Variants in SPIDR observed in about 807,000 individuals in gnomAD.
The protein encoded by SPIDR is DNA repair-scaffolding protein.
In SPIDR, 93 loss-of-function variants were observed where a neutral mutation model predicts 104.6. The ratio of observed to expected loss-of-function variants is 0.89; its 90% CI spans 0.75 to 1.06. SPIDR has a LOEUF of 1.06. Among genes scored for constraint, SPIDR ranks in the 50% least tolerant of loss-of-function variants. The probability of loss-of-function intolerance (pLI) is 0.00; values close to 1 mark genes in which losing one functional copy is unlikely to be tolerated. For synonymous variants in SPIDR, 431 were observed against 416.9 expected (o/e 1.03, Z -0.41); for missense variants, 1,154 against 1,111.2 (o/e 1.04, Z -0.55).
chr8:47,564,520 C>T (rs2154402760), intron 8 of SPIDR, among the ~76,000 whole-genome samples: 1 of 152,030 alleles, frequency 6.6e-6, no homozygotes, highest in African/African-American at 2.4e-5. Flanking sequence ...TCTCTACTAC[C>T]AATTAAAAAA....
At chr8:47,296,073 T>G (rs1158445824) in intron 5 of SPIDR, among the ~76,000 whole-genome samples, 1 of 152,212 alleles carries the variant, frequency 6.6e-6, no homozygotes, top group Non-Finnish European at 1.5e-5. Flanking sequence ...GTTGGCCATT[T>G]GTACATCTTT....
At chr8:47,568,913 A>G (rs1018029724) in intron 8 of SPIDR, among the ~76,000 whole-genome samples, 6 of 152,190 alleles carry the variant, frequency 3.9e-5, no homozygotes, top group East Asian at 1.9e-4. Flanking sequence ...TTGAATGTAA[A>G]TGGATAACAA....
At chr8:47,462,084 G>T (rs937178303) in intron 8 of SPIDR, among the ~76,000 whole-genome samples, 1 of 152,118 alleles carries the variant, frequency 6.6e-6, no homozygotes, top group Non-Finnish European at 1.5e-5. Flanking sequence ...CTAGTGTTCA[G>T]ATTCTTTTGT....
At chr8:47,613,956 A>C (rs1346540013) in intron 10 of SPIDR, among the ~76,000 whole-genome samples, 1 of 152,138 alleles carries the variant, frequency 6.6e-6, no homozygotes, top group Non-Finnish European at 1.5e-5. Flanking sequence ...TGCACCTATC[A>C]ACCCATCACC....
intron 15 of SPIDR, 199 bp downstream of exon 15, chr8:47,713,071 G>A: frequency 7.5e-7 from 1 of 1,330,976 alleles, no homozygotes; most frequent in Non-Finnish European, 9.7e-7. Flanking sequence ...CAGCTCCATG[G>A]AGATGCTGTG....
At chr8:47,276,348 A>G (rs2036422776) in intron 1 of SPIDR, among the ~76,000 whole-genome samples, 1 of 152,232 alleles carries the variant, frequency 6.6e-6, no homozygotes, top group African/African-American at 2.4e-5. Context: ...ATTTATGGAA[A>G]AAAGCGAAAC....
chr8:47,554,835 T>C (rs1048547470), intron 8 of SPIDR, among the ~76,000 whole-genome samples: 4 of 152,206 alleles, frequency 2.6e-5, no homozygotes, highest in Non-Finnish European at 5.9e-5. Flanking sequence ...CATTCACGCT[T>C]GGAGCTGTAG....
At position 47,293,897 on chromosome 8, in the gene SPIDR, A is replaced by G; in HGVS notation, c.392A>G (p.Asp131Gly). Residue 131 changes from aspartate (D) to glycine (G), a missense_variant, in exon 5 of 20, where the codon GAC becomes GGC. By Grantham distance (94) the Asp-to-Gly change is moderately conservative. Transcript: ENST00000297423. ...TTACAGTTTATCGACTGGGAGATTG[A>G]CAGTGACAGGGCAGAGGCTAGTGAC... ...DELQFIDWEI[D>G]SDRAEASDCD... 5.6e-6 allele frequency: 9 copies of G among 1,612,676 alleles called. No homozygotes were observed. Among genetic ancestry groups the G allele is most frequent in the Non-Finnish European group, 7.6e-6 (9 of 1,179,548 alleles).
chr8:47,363,599 G>A (rs1393597216), intron 5 of SPIDR, among the ~76,000 whole-genome samples: 1 of 151,988 alleles, frequency 6.6e-6, no homozygotes, highest in Non-Finnish European at 1.5e-5. Flanking sequence ...GATCTCTGGG[G>A]AGGAAGCTTG....
At chr8:47,449,971 G>A (rs377199076) in intron 8 of SPIDR, among the ~76,000 whole-genome samples, 1 of 152,004 alleles carries the variant, frequency 6.6e-6, no homozygotes, top group Non-Finnish European at 1.5e-5. Flanking sequence ...CCAGGAGTTC[G>A]TGAGCAGCCT....
chr8:47,629,131 G>C (rs1190388383), intron 10 of SPIDR, among the ~76,000 whole-genome samples: 2 of 152,162 alleles, frequency 1.3e-5, no homozygotes, highest in Non-Finnish European at 2.9e-5. Flanking sequence ...GATTCTTCCT[G>C]ATGCTGTCTT....
intron 14 of SPIDR, among the ~76,000 whole-genome samples, chr8:47,702,836 C>T (rs975435635): frequency 2.0e-5 from 3 of 152,072 alleles, no homozygotes; most frequent in Non-Finnish European, 2.9e-5. Context: ...CAAACCAGGC[C>T]CCAGATGCCT....
At chr8:47,638,156 TC>T (rs1187890150) in intron 10 of SPIDR, among the ~76,000 whole-genome samples, 1 of 152,186 alleles carries the variant, frequency 6.6e-6, no homozygotes, top group Non-Finnish European at 1.5e-5. Context: ...ACTTCTTTAC[TC>T]CCTGTCACTG....
chr8:47,598,801 A>G, intron 9 of SPIDR, 145 bp from the exon 10 acceptor site: 1 of 1,089,270 alleles, frequency 9.2e-7, no homozygotes, highest in Non-Finnish European at 1.3e-6. Flanking sequence ...CTTTATTTTC[A>G]TCTTCATCAT....
At chr8:47,681,150 G>A (rs994637108) in intron 11 of SPIDR, among the ~76,000 whole-genome samples, 4 of 152,254 alleles carry the variant, frequency 2.6e-5, no homozygotes, top group African/African-American at 9.6e-5. Flanking sequence ...TACCTGAGCA[G>A]CATGCTGTTA....
At chr8:47,444,433 C>T (rs1554699821) in intron 8 of SPIDR, among the ~76,000 whole-genome samples, 2 of 152,232 alleles carry the variant, frequency 1.3e-5, no homozygotes, top group African/African-American at 2.4e-5. Context: ...CCTCAGAATA[C>T]ACATCCCAGT....
rs201735323 is a variant in SPIDR, at chr8:47,685,505, A to ATTTTTTTTTT, written c.1685+11567_1685+11568insTTTTTTTTTT. ...TATTTATTTATTTATTTATTTATTT[A>ATTTTTTTTTT]TTTATTTATTTATTTTTTTGAGACA... On this transcript the variant is annotated intron_variant, in intron 11 of 19. Coordinates refer to ENST00000297423, the MANE Select transcript of SPIDR (RefSeq NM_001080394.4). 1.2e-3 allele frequency among the ~76,000 whole-genome samples: 122 copies of ATTTTTTTTTT among 104,378 alleles called. 7 individuals are homozygous for ATTTTTTTTTT. Among genetic ancestry groups the ATTTTTTTTTT allele is most frequent in the Non-Finnish European group, 1.8e-3 (76 of 41,622 alleles). 68.5% of individuals were successfully genotyped at this position (104,378 alleles called of 152,430 possible).
chr8:47,349,917 G>A, intron 5 of SPIDR, among the ~76,000 whole-genome samples: 1 of 152,200 alleles, frequency 6.6e-6, no homozygotes, highest in East Asian at 1.9e-4. Context: ...CTGACCCTTT[G>A]TGCTTCCTGG....
intron 10 of SPIDR, among the ~76,000 whole-genome samples, chr8:47,630,735 G>C (rs1382357111): frequency 6.6e-6 from 1 of 152,134 alleles, no homozygotes; most frequent in Non-Finnish European, 1.5e-5. Context: ...GGTGTGCATA[G>C]GTCAAATGTT....
Sources: allele counts gnomAD v4.1 joint callset (sites outside exome capture counted in the v4.1 genomes callset), GRCh38; gene constraint gnomAD v4.1.1; transcripts MANE v1.5; gene names NCBI Gene and HGNC (gene_info 2026-07-23, HGNC 2026-07-21).